NOC2L: variants seen among roughly 807,000 people sequenced by gnomAD.
The protein encoded by NOC2L is NOC2 like nucleolar associated transcriptional repressor, also known as nucleolar complex protein 2 homolog.
A neutral mutation model predicts 94.2 loss-of-function variants in NOC2L; 101 were observed. That is an observed-to-expected ratio of 1.07 (90% CI 0.91 to 1.26). The LOEUF is 1.26. NOC2L is among the 50% of genes most tolerant of loss of function. The pLI is 0.00. For synonymous variants in NOC2L, 531 were observed against 413.4 expected, an observed-to-expected ratio of 1.28 and a Z score of -3.45; for missense variants, 1,076 against 980.1, an observed-to-expected ratio of 1.10 and a Z score of -1.31.
intron 9 of NOC2L, among the ~76,000 whole-genome samples, chr1:952,847 A>G (rs1241763787): frequency 6.6e-6 from 1 of 152,142 alleles, no homozygotes; most frequent in Non-Finnish European, 1.5e-5. Context: ...CAGGCCACCC[A>G]TGGCTTGGGG....
At chr1:955,382 C>A (rs1642371324) in intron 6 of NOC2L, among the ~76,000 whole-genome samples, 2 of 152,244 alleles carry the variant, frequency 1.3e-5, no homozygotes, top group Non-Finnish European at 2.9e-5. Flanking sequence ...GCTGCACAGC[C>A]CCGGAACCCC....
At chr1:944,968 C>T (rs1642052961) in intron 18 of NOC2L, 89 bp downstream of exon 18, 3 of 1,592,364 alleles carry the variant, frequency 1.9e-6, no homozygotes, top group South Asian at 2.2e-5. Context: ...AAAGCCTGGC[C>T]CAGAGCCCCA....
intron 14 of NOC2L, 190 bp from the exon 15 acceptor site, chr1:946,735 G>A: frequency 1.6e-6 from 1 of 632,000 alleles, no homozygotes; most frequent in Non-Finnish European, 2.7e-6. Flanking sequence ...CACCCTCTGG[G>A]CCAACCCTGC....
intron 14 of NOC2L, 96 bp from the exon 15 acceptor site, chr1:946,641 G>A: frequency 6.9e-7 from 1 of 1,444,542 alleles, no homozygotes; most frequent in South Asian, 1.3e-5. Context: ...TGGCCACGGG[G>A]ATACCCCAGG....
chr1:958,244 T>G, intron 2 of NOC2L: 1 of 164,014 alleles, frequency 6.1e-6, no homozygotes, highest in East Asian at 1.8e-4. Context: ...AATTTTTGTA[T>G]CTTTTGATTT....
At chr1:945,028 C>T in intron 18 of NOC2L, 29 bp downstream of exon 18, 1 of 1,613,926 alleles carries the variant, frequency 6.2e-7, no homozygotes, top group Non-Finnish European at 8.5e-7. Flanking sequence ...GCTCACAGGG[C>T]CACACCCTCT....
Position 953,700 on chromosome 1 carries a change from G to A in NOC2L, c.888+82C>T. The A allele has an allele frequency of 8.5e-6, 9 of 1,064,298 alleles. No individual in the cohort carries two copies. The South Asian group carries it at 1.0e-4, about 12-fold the overall frequency. 65.9% of individuals were successfully genotyped at this position (1,064,298 alleles called of 1,614,324 possible). On this transcript the variant is annotated intron_variant, in intron 8 of 18. Transcript: ENST00000327044. ...GGAGTGTGGGCACCACCTGTGCCCT[G>A]GCCAGGAGTGGGATGTGGTGGGGGT...
chr1:955,843 G>T, intron 6 of NOC2L, 80 bp downstream of exon 6: 1 of 1,221,750 alleles, frequency 8.2e-7, no homozygotes, highest in Non-Finnish European at 1.2e-6. Context: ...CTCTGTCCTA[G>T]CCACAAGGCC....
In NOC2L at chr1:956,191, G is replaced by T; in HGVS notation, c.511C>A (p.His171Asn). The part of the protein sequence containing the change: ...AKQRLTPKLF[H>N]EVVQAFRAAV... ...GCTCGGAACGCCTGTACCACTTCAT[G>T]GAACAGCTTTGGAGTGAGGCGTTGC... is the stretch of plus-strand genomic sequence containing the variant. Residue 171 changes from histidine to asparagine, a missense_variant, in exon 5 of 19, where the codon CAT (histidine) becomes AAT (asparagine). By Grantham distance (68) the His-to-Asn change is moderately conservative. Transcript: ENST00000327044. 6.2e-7 allele frequency: 1 copy of T among 1,613,856 alleles called. No individual in the cohort carries two copies. The highest frequency in any genetic ancestry group is 8.5e-7 in the Non-Finnish European group (1 of 1,180,018).
intron 12 of NOC2L, among the ~76,000 whole-genome samples, chr1:950,019 A>C (rs1015940144): frequency 1.3e-5 from 2 of 152,182 alleles, no homozygotes; most frequent in African/African-American, 4.8e-5. Context: ...TGAAAGTTGA[A>C]ACTTCGGACT....
intron 8 of NOC2L, among the ~76,000 whole-genome samples, 164 bp from the exon 9 acceptor site, chr1:953,452 C>A (rs1002165788): frequency 1.3e-5 from 2 of 152,120 alleles, no homozygotes; most frequent in Non-Finnish European, 2.9e-5. Context: ...CAGAAGTGAA[C>A]AGAACAGGTG....
chr1:957,192 C>T lies in NOC2L; in HGVS notation c.261G>A (p.Leu87=). The change falls in exon 3 of 19, where the codon CTG becomes CTA. Residue 87 remains leucine (L), a synonymous_variant. Transcript: ENST00000327044. ...TTAGCAGGCTCTGGTCATTCTCCTG[C>T]AGGAACTTGTAGAACTCGGGGTCTC... is the stretch of plus-strand genomic sequence containing the variant. The part of the protein sequence containing the change: ...KDRDPEFYKF[L]QENDQSLLNF... 1 of 1,614,046 alleles carries T rather than the reference C, an allele frequency of 6.2e-7. No individual in the cohort carries two copies. Among genetic ancestry groups the T allele is most frequent in the South Asian group, 1.1e-5 (1 of 91,086 alleles).
At chr1:950,453 A>G (rs1642225760) in intron 12 of NOC2L, among the ~76,000 whole-genome samples, 1 of 152,032 alleles carries the variant, frequency 6.6e-6, no homozygotes, top group South Asian at 2.1e-4. Flanking sequence ...ACAGGTACAC[A>G]CGCATGTGCA....
rs776584839 is a variant in NOC2L at position 958,858 on chromosome 1, G to A, written c.179+71C>T. On this transcript the variant is annotated intron_variant, in intron 2 of 18. Transcript: ENST00000327044. ...TTAGGCCTTGGCCCTGAGACCCCAG[G>A]CGAGGTCAGCAACCCAACCGGGGTG... 6 of 1,544,434 alleles carry A rather than the reference G, an allele frequency of 3.9e-6. No individual in the cohort carries two copies. In the East Asian group the frequency reaches 1.3e-4, roughly 35 times the overall value.
chr1:944,499 C>T lies in NOC2L; in HGVS notation c.*195G>A, dbSNP rs1642028141. 4.8e-6 allele frequency: 3 copies of T among 631,170 alleles called. No homozygotes were observed. The highest frequency in any genetic ancestry group is 2.1e-5 in the South Asian group (1 of 47,810). The allele number at this position is 631,170 out of a possible 1,614,324, so 39.1% of individuals were successfully genotyped here. ...GCAGCCCACAGCTGTGGGGCTTCAG[C>T]AGCCACACCAGCCCAGCCCAGCCCA... On this transcript the variant is annotated 3_prime_UTR_variant, in exon 19 of 19. Transcript: ENST00000327044.
chr1:944,250 G>A lies in NOC2L; in HGVS notation c.*444C>T, dbSNP rs1257202287. 10 of 1,454,336 alleles carry A rather than the reference G, an allele frequency of 6.9e-6. No individual in the cohort carries two copies. The highest frequency in any genetic ancestry group is 2.9e-5 in the African/African-American group (2 of 69,680). The allele number at this position is 1,454,336 out of a possible 1,614,324, so 90.1% of individuals were successfully genotyped here. On this transcript the variant is annotated 3_prime_UTR_variant, in exon 19 of 19. Coordinates refer to ENST00000327044, the MANE Select transcript of NOC2L (RefSeq NM_015658.4). ...CACCGCTTTATTTCTTTCGGTTTCG[G>A]ATGCAAAACAAAAAATTTTAAAAGA...
In NOC2L at chr1:958,080, TTC is replaced by T. The variant is rs553745309; in HGVS notation, c.180-809_180-808del. ...CCTCCGCTTTTTTTTTTTTTTTTTT[TTC>T]TCCTGAGGCGGAATCTCACTCTGTC... On this transcript the variant is annotated intron_variant, in intron 2 of 18. Coordinates refer to ENST00000327044, the MANE Select transcript of NOC2L (RefSeq NM_015658.4). 6.2e-3 allele frequency: 878 copies of T among 140,626 alleles called. 36 individuals are homozygous for T. The highest frequency in any genetic ancestry group is 0.023 in the African/African-American group (783 of 34,264). 8.7% of individuals were successfully genotyped at this position (140,626 alleles called of 1,614,324 possible).
chr1:944,579 G>C lies in NOC2L; in HGVS notation c.*115C>G, dbSNP rs939495711. The C allele has an allele frequency of 2.9e-5, 19 of 663,100 alleles. No individual in the cohort carries two copies. The highest frequency in any genetic ancestry group is 4.6e-5 in the Non-Finnish European group (18 of 389,184). 41.1% of individuals were successfully genotyped at this position (663,100 alleles called of 1,614,324 possible). A position where few individuals can be genotyped will look rare whatever the true frequency, so the allele number is the denominator to read the frequency against. On this transcript the variant is annotated 3_prime_UTR_variant, in exon 19 of 19. Transcript: ENST00000327044. ...AAAAATAAATAATAAAGCCTGTCCC[G>C]TGTCTACTGCCTCCCCCAACTGCAC... is the stretch of plus-strand genomic sequence containing the variant.
chr1:944,927 G>T, intron 18 of NOC2L, 127 bp from the exon 19 acceptor site: 1 of 1,472,588 alleles, frequency 6.8e-7, no homozygotes, highest in South Asian at 1.2e-5. Flanking sequence ...CCAGAGAACA[G>T]AGCATTTGGC....
Sources: allele counts gnomAD v4.1 joint callset (sites outside exome capture counted in the v4.1 genomes callset), GRCh38; gene constraint gnomAD v4.1.1; transcripts MANE v1.5; gene names NCBI Gene and HGNC (gene_info 2026-07-23, HGNC 2026-07-21).